UNC79: variants seen among roughly 807,000 people sequenced by gnomAD.
UNC79 encodes the protein protein unc-79 homolog.
In UNC79, 37 loss-of-function variants were observed where a neutral mutation model predicts 283.1. That is an observed-to-expected ratio of 0.13 (90% CI 0.10 to 0.17). The LOEUF (loss-of-function observed/expected upper bound fraction) is 0.17, where lower values mean the gene tolerates loss of function less well. UNC79 is among the 10% of genes least tolerant of loss of function. The probability of loss-of-function intolerance (pLI) is 1.00; values close to 1 mark genes in which losing one functional copy is unlikely to be tolerated. For synonymous variants in UNC79, 1,107 were observed against 1,200.2 expected (o/e 0.92, Z 1.61); for missense variants, 2,272 against 3,211.1 (o/e 0.71, Z 7.07).
At chr14:93,387,793 T>C (rs536621849) in intron 1 of UNC79, among the ~76,000 whole-genome samples, 6 of 152,370 alleles carry the variant, frequency 3.9e-5, no homozygotes, top group Admixed American at 1.3e-4. Context: ...TGTTTCTTTG[T>C]TGATTTCGTC....
At chr14:93,661,004 A>G (rs1441134192) in intron 39 of UNC79, among the ~76,000 whole-genome samples, 1 of 152,204 alleles carries the variant, frequency 6.6e-6, no homozygotes, top group Non-Finnish European at 1.5e-5. Context: ...GTGGGGGAAT[A>G]CAAATAAGTA....
intron 13 of UNC79, 50 bp from the exon 14 acceptor site, chr14:93,542,416 T>C (rs1404070116): frequency 6.5e-7 from 1 of 1,548,342 alleles, no homozygotes; most frequent in Non-Finnish European, 8.8e-7. Context: ...TATAATAATT[T>C]TGTAAAGATG....
chr14:93,475,742 G>C (rs1255291051), intron 3 of UNC79, among the ~76,000 whole-genome samples: 1 of 152,156 alleles, frequency 6.6e-6, no homozygotes, highest in Non-Finnish European at 1.5e-5. Context: ...TGTTAGGGGA[G>C]CTGCCCGTTA....
At chr14:93,457,274 G>A (rs1441559943) in intron 1 of UNC79, among the ~76,000 whole-genome samples, 1 of 152,218 alleles carries the variant, frequency 6.6e-6, no homozygotes, top group Non-Finnish European at 1.5e-5. Flanking sequence ...GGTTCTAGTA[G>A]CCTAGTGGAG....
intron 4 of UNC79, 102 bp from the exon 5 acceptor site, chr14:93,487,561 A>T (rs1595607916): frequency 1.3e-5 from 9 of 697,140 alleles, no homozygotes; most frequent in Admixed American, 3.3e-5. Context: ...TATTGGAGCT[A>T]TTTTTTTTTT....
chr14:93,562,728 T>C (rs1395766840), intron 14 of UNC79, among the ~76,000 whole-genome samples: 1 of 152,078 alleles, frequency 6.6e-6, no homozygotes, highest in Non-Finnish European at 1.5e-5. Flanking sequence ...AACCGAGGAA[T>C]TATGTCTGAC....
At chr14:93,653,703 C>A in intron 35 of UNC79, 39 bp from the exon 39 acceptor site, 2 of 1,575,872 alleles carry the variant, frequency 1.3e-6, no homozygotes, top group Non-Finnish European at 1.7e-6. Context: ...TGCTCACTGG[C>A]CCATGACTTC....
intron 14 of UNC79, among the ~76,000 whole-genome samples, chr14:93,570,902 A>G (rs2063171427): frequency 6.6e-6 from 1 of 152,254 alleles, no homozygotes; most frequent in South Asian, 2.1e-4. Flanking sequence ...AAACTTCAGT[A>G]ATGATATATT....
At chr14:93,359,192 T>G (rs1275878831) in intron 1 of UNC79, among the ~76,000 whole-genome samples, 1 of 152,190 alleles carries the variant, frequency 6.6e-6, no homozygotes, top group African/African-American at 2.4e-5. Context: ...GATTAAAAGA[T>G]GGCCCACTGC....
At position 93,480,848 on chromosome 14, in the gene UNC79, G is replaced by A. The variant is rs1055936764; in HGVS notation, c.619+3120G>A. 7.2e-5 allele frequency among the ~76,000 whole-genome samples: 11 copies of A among 152,312 alleles called. No individual in the cohort carries two copies. The East Asian group carries it at 1.9e-3, about 27-fold the overall frequency. On this transcript the variant is annotated intron_variant, in intron 4 of 48. Transcript: ENST00000555664. ...AATATTTTTATTTCAGGACTGAGAT[G>A]TTAGGATGAAGGATATTGTATGTCC...
intron 47 of UNC79, among the ~76,000 whole-genome samples, chr14:93,694,876 G>A (rs2074977911): frequency 6.6e-6 from 1 of 152,082 alleles, no homozygotes; most frequent in Non-Finnish European, 1.5e-5. Context: ...AGAAAACCAA[G>A]GAAAATAGTC....
In UNC79 at chr14:93,371,519, A is replaced by G. The variant is rs1368186369; in HGVS notation, c.-351+37996A>G. On this transcript the variant is annotated intron_variant, in intron 1 of 49. Coordinates refer to the UNC79 transcript ENST00000256339. Reference sequence around the variant, plus strand: ...ATTCCTGAAGGAAACCAGTGGGGAAAAAAACTTCTTACCTGTAGAAGAACA... The same window carrying G: ...ATTCCTGAAGGAAACCAGTGGGGAAGAAAACTTCTTACCTGTAGAAGAACA... Among the ~76,000 whole-genome samples the G allele has an allele frequency of 2.6e-5, 4 of 152,196 alleles. No individual in the cohort carries two copies. In the East Asian group the frequency reaches 7.7e-4, roughly 29 times the overall value.
At chr14:93,602,814 C>T (rs1486425655) in intron 25 of UNC79, among the ~76,000 whole-genome samples, 2 of 151,980 alleles carry the variant, frequency 1.3e-5, no homozygotes, top group East Asian at 3.9e-4. Flanking sequence ...CTAATTTTTC[C>T]TTTTTTGTAG....
At position 93,430,636 on chromosome 14, in the gene UNC79, A is replaced by T; in HGVS notation, c.-394A>T. The T allele has an allele frequency of 5.9e-6, 1 of 169,372 alleles. No homozygotes were observed. The highest frequency in any genetic ancestry group is 2.4e-5 in the African/African-American group (1 of 41,970). The allele number at this position is 169,372 out of a possible 1,614,324, so 10.5% of individuals were successfully genotyped here. Reference sequence around the variant, plus strand: ...TTTAAGAGGCTTTTCTCTGGGAAACACCCGTCCCCTCCGTGCGCCTTATGA... The same window carrying T: ...TTTAAGAGGCTTTTCTCTGGGAAACTCCCGTCCCCTCCGTGCGCCTTATGA... On this transcript the variant is annotated 5_prime_UTR_variant, in exon 1 of 49. Coordinates refer to ENST00000555664, the Ensembl canonical transcript of UNC79. The surrounding 1 kb of genome is among the most constrained non-coding windows in gnomAD (Gnocchi z 4.6).
chr14:93,357,759 A>G (rs1440662929), intron 1 of UNC79, among the ~76,000 whole-genome samples: 27 of 135,866 alleles, frequency 2.0e-4, no homozygotes, highest in Non-Finnish European at 3.1e-4. Context: ...ATATATGGAT[A>G]TATATATATG....
intron 7 of UNC79, among the ~76,000 whole-genome samples, chr14:93,499,943 A>G (rs896554089): frequency 1.3e-5 from 2 of 152,052 alleles, no homozygotes; most frequent in East Asian, 1.9e-4. Flanking sequence ...GCATGATAGT[A>G]TTTAGGAATT....
intron 41 of UNC79, among the ~76,000 whole-genome samples, chr14:93,677,589 T>C (rs2073454069): frequency 6.6e-6 from 1 of 152,152 alleles, no homozygotes; most frequent in Non-Finnish European, 1.5e-5. Flanking sequence ...GTGAGATTTG[T>C]GTGGGGACAT....
intron 23 of UNC79, among the ~76,000 whole-genome samples, chr14:93,595,618 C>G (rs988933123): frequency 3.3e-5 from 5 of 152,104 alleles, no homozygotes; most frequent in African/African-American, 1.2e-4. Flanking sequence ...CATCCTCTTT[C>G]CTTTAAGGCC....
chr14:93,376,147 G>A (rs2054554047), intron 1 of UNC79, among the ~76,000 whole-genome samples: 1 of 152,116 alleles, frequency 6.6e-6, no homozygotes, highest in Non-Finnish European at 1.5e-5. Flanking sequence ...AATAGAAAAT[G>A]GACTAAGACA....
Sources: gnomAD v4.1 joint callset for allele counts (sites outside exome capture counted in the v4.1 genomes callset) on GRCh38, gnomAD v4.1.1 for gene constraint, Gnocchi (gnomAD v3.1) non-coding constraint, MANE v1.5 for transcripts, NCBI Gene and HGNC (gene_info 2026-07-23, HGNC 2026-07-21) for gene names.